Variants in TRMT10A observed in about 807,000 individuals in gnomAD.
TRMT10A encodes the protein tRNA methyltransferase 10A.
A neutral mutation model predicts 40.4 loss-of-function variants in TRMT10A; 37 were observed. That is an observed-to-expected ratio of 0.92 (90% CI 0.71 to 1.21). The LOEUF (loss-of-function observed/expected upper bound fraction) is 1.21. TRMT10A is among the 50% of genes most tolerant of loss of function. The pLI is 0.00. For synonymous variants in TRMT10A, 103 were observed against 134.1 expected (o/e 0.77, Z 1.60); for missense variants, 388 against 404.3 (o/e 0.96, Z 0.35).
chr4:99,559,984 T>C (rs1724321958), intron 1 of TRMT10A, among the ~76,000 whole-genome samples: 1 of 152,146 alleles, frequency 6.6e-6, no homozygotes, highest in African/African-American at 2.4e-5. Context: ...CACAGTTTTC[T>C]GCATTTTCTA....
At chr4:99,559,948 A>G (rs980640583) in intron 1 of TRMT10A, among the ~76,000 whole-genome samples, 6 of 152,148 alleles carry the variant, frequency 3.9e-5, no homozygotes, top group African/African-American at 1.4e-4. Context: ...TTAAAAAGGT[A>G]TACACACACA....
chr4:99,563,756 C>T (rs1724565254), intron 1 of TRMT10A, 157 bp downstream of exon 1: 5 of 450,668 alleles, frequency 1.1e-5, no homozygotes, highest in South Asian at 7.2e-5. Context: ...GACGTCATTT[C>T]CTTCAGCAAG....
chr4:99,553,927 T>C lies in TRMT10A; in HGVS notation c.503A>G (p.His168Arg). 3 of 1,612,392 alleles carry C rather than the reference T, an allele frequency of 1.9e-6. No homozygotes were observed. The highest frequency in any genetic ancestry group is 2.5e-6 in the Non-Finnish European group (3 of 1,179,496). The stretch of plus-strand genomic sequence containing the variant: ...TTCACTATAGTGCTCTGGTTTGATA[T>C]GGATATCCTTTAAGACAACAGGGAA... Reference protein sequence around the residue: ...DKGWVNWKDIHIKPEHYSELI... With the variant: ...DKGWVNWKDIRIKPEHYSELI... The change falls in exon 6 of 8, where the codon CAT (histidine) becomes CGT (arginine). Residue 168 changes from histidine to arginine, a missense_variant. His to Arg is a conservative substitution (Grantham distance 29, BLOSUM62 0). Coordinates refer to ENST00000394876, the MANE Select transcript of TRMT10A (RefSeq NM_001134665.3).
intron 7 of TRMT10A, among the ~76,000 whole-genome samples, chr4:99,550,415 C>T (rs1716009067): frequency 6.6e-6 from 1 of 152,118 alleles, no homozygotes; most frequent in African/African-American, 2.4e-5. Context: ...TGTTCGAACT[C>T]CTGGGCTTAA....
intron 1 of TRMT10A, among the ~76,000 whole-genome samples, chr4:99,562,852 GC>G (rs1724493376): frequency 7.7e-6 from 1 of 129,654 alleles, no homozygotes. Flanking sequence ...ACGGAGTTTC[GC>G]TCTTGTTGCC....
Position 99,563,990 on chromosome 4 carries a change from C to T in TRMT10A, c.-101G>A, listed in dbSNP as rs1724583013. On this transcript the variant is annotated 5_prime_UTR_variant, in exon 1 of 8. Transcript: ENST00000394876. ...GTTGGCCTGGTTACGGCTCACGCTT[C>T]CTTCCACAGAAACTTCAATTCCCAG... is the stretch of plus-strand genomic sequence containing the variant. The T allele has an allele frequency of 2.8e-6, 4 of 1,407,688 alleles. No individual in the cohort carries two copies. The Admixed American group carries it at 7.9e-5, about 28-fold the overall frequency. The allele number at this position is 1,407,688 out of a possible 1,614,324, so 87.2% of individuals were successfully genotyped here.
In TRMT10A at chr4:99,553,768, T is replaced by A. The variant is rs758298304; in HGVS notation, c.645+17A>T. ...TTTTAAGAACAAGCAAAAGCAAAAA[T>A]AAAAATTTAATAGTACCTTGTGATG... On this transcript the variant is annotated intron_variant, in intron 6 of 7. Coordinates refer to ENST00000394876, the MANE Select transcript of TRMT10A (RefSeq NM_001134665.3). 76 of 1,581,588 alleles carry A rather than the reference T, an allele frequency of 4.8e-5. No homozygotes were observed. Among genetic ancestry groups the A allele is most frequent in the Non-Finnish European group, 5.8e-5 (68 of 1,169,342 alleles).
intron 7 of TRMT10A, 30 bp downstream of exon 7, chr4:99,550,855 T>G (rs776150087): frequency 1.4e-6 from 2 of 1,459,892 alleles, no homozygotes; most frequent in Non-Finnish European, 1.9e-6. Context: ...TTCGCTCAGG[T>G]ATATTTTCAG....
chr4:99,563,669 G>A (rs1724558740), intron 1 of TRMT10A: 3 of 332,976 alleles, frequency 9.0e-6, no homozygotes, highest in African/African-American at 2.2e-5. Context: ...GCCAGCAAAC[G>A]CATTTCAGAG....
intron 1 of TRMT10A, among the ~76,000 whole-genome samples, chr4:99,560,089 G>A (rs936152067): frequency 1.3e-5 from 2 of 151,950 alleles, no homozygotes; most frequent in African/African-American, 4.8e-5. Flanking sequence ...TAATGCTGTA[G>A]AATGAGGGAA....
intron 3 of TRMT10A, 174 bp downstream of exon 3, chr4:99,557,875 C>T (rs1560602357): frequency 6.8e-6 from 4 of 590,734 alleles, no homozygotes; most frequent in Admixed American, 3.5e-5. Flanking sequence ...TATATAAATA[C>T]ACATATTTAT....
intron 2 of TRMT10A, 22 bp from the exon 3 acceptor site, chr4:99,558,233 A>T: frequency 6.4e-7 from 1 of 1,565,814 alleles, no homozygotes; most frequent in Non-Finnish European, 8.6e-7. Context: ...AATTGAAATA[A>T]CATTTTGTTA....
chr4:99,547,767 ATATG>A lies in TRMT10A; in HGVS notation c.*1317_*1320del, dbSNP rs1723793334. 1 of 152,022 alleles carries A rather than the reference ATATG, an allele frequency of 6.6e-6. No homozygotes were observed. The highest frequency in any genetic ancestry group is 6.6e-5 in the Admixed American group (1 of 15,250). 9.4% of individuals were successfully genotyped at this position (152,022 alleles called of 1,614,324 possible). ...CCAATAAACTTTCTGTTGTGTATATATATGTTAGTATGTAACATATATAGTATGT... is the reference window on the plus strand; with the variant it reads ...CCAATAAACTTTCTGTTGTGTATATATTAGTATGTAACATATATAGTATGT... On this transcript the variant is annotated 3_prime_UTR_variant, in exon 8 of 8. Transcript: ENST00000394876.
Position 99,558,240 on chromosome 4 carries a change from G to T in TRMT10A, c.186-29C>A, listed in dbSNP as rs757433901. The T allele has an allele frequency of 9.1e-6, 14 of 1,543,518 alleles. No homozygotes were observed. The South Asian group carries it at 1.6e-4, about 18-fold the overall frequency. On this transcript the variant is annotated intron_variant, in intron 2 of 7. Transcript: ENST00000394876. ...AAATTAGTAATTGAAATAACATTTT[G>T]TTATTGTGTATTCAGTTATTTACAA...
intron 5 of TRMT10A, among the ~76,000 whole-genome samples, chr4:99,555,945 T>A (rs952079794): frequency 5.9e-5 from 9 of 152,206 alleles, no homozygotes; most frequent in Non-Finnish European, 1.2e-4. Context: ...TAGGGAAGAT[T>A]TAATGAGAAC....
chr4:99,551,686 A>G (rs2110184038), intron 6 of TRMT10A, among the ~76,000 whole-genome samples: 1 of 152,270 alleles, frequency 6.6e-6, no homozygotes, highest in African/African-American at 2.4e-5. Flanking sequence ...AATAATAATT[A>G]CATATAAAAC....
intron 5 of TRMT10A, 63 bp downstream of exon 5, chr4:99,556,083 A>C: frequency 6.8e-7 from 1 of 1,477,042 alleles, no homozygotes; most frequent in East Asian, 2.3e-5. Context: ...TAGGTACAAA[A>C]TGTAGACCTT....
At position 99,556,151 on chromosome 4, in the gene TRMT10A, A is replaced by G; in HGVS notation, c.490T>C (p.Trp164Arg). ...AGTTTATCTGTTTTAATTACCTTCC[A>G]GTTGACCCATCCTTTGTCATTTTCA... ...MDENDKGWVN[W>R]KDIHIKPEHY... The change falls in exon 5 of 8, where the codon TGG (tryptophan) becomes CGG (arginine). Residue 164 changes from tryptophan (W) to arginine (R), a missense_variant. Transcript: ENST00000394876. The G allele has an allele frequency of 1.9e-6, 3 of 1,613,562 alleles. No individual in the cohort carries two copies. The South Asian group carries it at 3.3e-5, about 18-fold the overall frequency.
intron 7 of TRMT10A, among the ~76,000 whole-genome samples, chr4:99,549,813 T>C (rs926809935): frequency 4.6e-5 from 7 of 152,192 alleles, no homozygotes; most frequent in Admixed American, 1.3e-4. Context: ...AGTATCAATA[T>C]TGTCTCCAGG....
Sources: allele counts gnomAD v4.1 joint callset (sites outside exome capture counted in the v4.1 genomes callset), GRCh38; gene constraint gnomAD v4.1.1; transcripts MANE v1.5; gene names NCBI Gene and HGNC (gene_info 2026-07-23, HGNC 2026-07-21).